The following SH3KBP1 variants were observed in gnomAD, a reference collection of about 807,000 sequenced individuals.
SH3KBP1 encodes SH3 domain containing kinase binding protein 1.
SH3KBP1 carries 8 observed loss-of-function variants against 50.1 expected under a neutral mutation model. That is an observed-to-expected ratio of 0.16 (90% CI 0.09 to 0.29). The LOEUF is 0.29. Ranked by LOEUF, SH3KBP1 falls within the 10% of genes least tolerant of loss-of-function variation. SH3KBP1 has a pLI of 1.00. For missense variants in SH3KBP1, 377 were observed against 535.2 expected (o/e 0.70, Z 2.92); for synonymous variants, 227 against 218.6 (o/e 1.04, Z -0.34).
At chrX:19,831,592 G>A (rs933668833) in intron 2 of SH3KBP1, among the ~76,000 whole-genome samples, 13 of 106,995 alleles carry the variant, frequency 1.2e-4, no homozygotes, top group Admixed American at 9.1e-4. Context: ...GGGAGTTCGA[G>A]ACCAGCCTGA....
chrX:19,602,978 G>GT (rs1489851514), intron 9 of SH3KBP1, among the ~76,000 whole-genome samples: 1 of 111,877 alleles, frequency 8.9e-6, no homozygotes, highest in Non-Finnish European at 1.9e-5. Context: ...AAAAAAAATC[G>GT]TAAGAGGGTG....
intron 9 of SH3KBP1, among the ~76,000 whole-genome samples, chrX:19,595,236 T>C (rs937570548): frequency 1.8e-5 from 2 of 112,318 alleles, no homozygotes; most frequent in African/African-American, 6.5e-5. Flanking sequence ...CATTTCCCCC[T>C]TTCTAAATTT....
intron 3 of SH3KBP1, among the ~76,000 whole-genome samples, chrX:19,733,318 A>G (rs2064434057): frequency 9.1e-6 from 1 of 110,421 alleles, no homozygotes; most frequent in Non-Finnish European, 1.9e-5. Flanking sequence ...GCCATACAAT[A>G]TATTAAAATA....
chrX:19,818,774 T>C (rs1292832612), intron 2 of SH3KBP1, among the ~76,000 whole-genome samples: 1 of 112,077 alleles, frequency 8.9e-6, no homozygotes, highest in African/African-American at 3.2e-5. Context: ...TAAACCCCAC[T>C]TGGTCATAGT....
intron 3 of SH3KBP1, among the ~76,000 whole-genome samples, chrX:19,721,066 G>A (rs2148722750): frequency 9.0e-6 from 1 of 111,171 alleles, no homozygotes; most frequent in African/African-American, 3.3e-5. Flanking sequence ...TTTAAATTTT[G>A]ACTCATTTTT....
intron 1 of SH3KBP1, among the ~76,000 whole-genome samples, chrX:19,870,691 ATC>A (rs2069018803): frequency 3.6e-5 from 4 of 111,831 alleles, no homozygotes; most frequent in Admixed American, 1.9e-4. Flanking sequence ...TAGACATGAC[ATC>A]AACTATCATA....
chrX:19,670,444 CT>C (rs2062758912), intron 6 of SH3KBP1: 1 of 602,353 alleles, frequency 1.7e-6, no homozygotes. Flanking sequence ...GATTTGTTTA[CT>C]GCACAAACAT....
intron 2 of SH3KBP1, 105 bp downstream of exon 2, chrX:19,836,020 C>T (rs1312519144): frequency 1.4e-6 from 1 of 733,822 alleles, no homozygotes; most frequent in Non-Finnish European, 2.1e-6. Flanking sequence ...GGAGGGCAAG[C>T]CATTCCCTAA....
At chrX:19,691,991 CTAT>C (rs2063302412) in intron 5 of SH3KBP1, among the ~76,000 whole-genome samples, 1 of 111,554 alleles carries the variant, frequency 9.0e-6, no homozygotes, top group Admixed American at 9.5e-5. Context: ...GTTCATTATA[CTAT>C]TATTATTTTT....
chrX:19,543,964 C>T (rs1014343947), intron 15 of SH3KBP1, among the ~76,000 whole-genome samples: 2 of 110,756 alleles, frequency 1.8e-5, no homozygotes, highest in African/African-American at 6.6e-5. Context: ...AGCAGCAGGG[C>T]AGAAGTAGAG....
chrX:19,554,038 AATATATATTAAAATATATT>A (rs1569278082), intron 13 of SH3KBP1, among the ~76,000 whole-genome samples: 3 of 62,028 alleles, frequency 4.8e-5, no homozygotes, highest in African/African-American at 2.8e-4. Flanking sequence ...TATAATATAT[AATATATATTAAAATATATT>A]ATATATATTA....
intron 13 of SH3KBP1, among the ~76,000 whole-genome samples, chrX:19,554,574 G>A (rs1285514573): frequency 9.3e-6 from 1 of 108,025 alleles, no homozygotes; most frequent in African/African-American, 3.4e-5. Flanking sequence ...GCTAATTTTT[G>A]TATTTTTAGT....
chrX:19,715,947 C>A (rs1447636593), intron 3 of SH3KBP1, among the ~76,000 whole-genome samples: 1 of 111,474 alleles, frequency 9.0e-6, no homozygotes, highest in Non-Finnish European at 1.9e-5. Context: ...GGGAAGGCAG[C>A]AACTCCCCAG....
At chrX:19,699,129 A>T (rs749571766) in intron 4 of SH3KBP1, among the ~76,000 whole-genome samples, 3 of 111,975 alleles carry the variant, frequency 2.7e-5, no homozygotes, top group Admixed American at 9.4e-5. Flanking sequence ...GCACTGCCCC[A>T]GTACCTGGGG....
rs112719601 is a variant in SH3KBP1, at chrX:19,612,181, G to T, written c.898-4136C>A. ...GTCCTCTTCAACAAACCAGACAAAA[G>T]AACTAGTCTTTTGATGGCAGAGATG... On this transcript the variant is annotated intron_variant, in intron 8 of 17. Transcript: ENST00000397821. 2.8e-3 allele frequency among the ~76,000 whole-genome samples: 311 copies of T among 111,463 alleles called. 3 individuals are homozygous for T. Among genetic ancestry groups the T allele is most frequent in the African/African-American group, 9.3e-3 (286 of 30,704 alleles).
intron 6 of SH3KBP1, among the ~76,000 whole-genome samples, chrX:19,648,601 T>C (rs1294786677): frequency 4.5e-5 from 5 of 111,592 alleles, no homozygotes; most frequent in Non-Finnish European, 9.4e-5. Flanking sequence ...TGAGCCTTCA[T>C]AGAGGCCCAA....
chrX:19,823,339 G>A (rs2067581313), intron 2 of SH3KBP1, among the ~76,000 whole-genome samples: 1 of 112,242 alleles, frequency 8.9e-6, no homozygotes, highest in Non-Finnish European at 1.9e-5. Context: ...ATGTGAATAG[G>A]CTAGACTTTT....
At chrX:19,791,435 A>C (rs1351329781) in intron 2 of SH3KBP1, among the ~76,000 whole-genome samples, 4 of 110,344 alleles carry the variant, frequency 3.6e-5, no homozygotes, top group Non-Finnish European at 7.6e-5. Flanking sequence ...AAGTAGAAAA[A>C]AGCTACTTGG....
At chrX:19,690,145 G>A (rs1351865502) in intron 5 of SH3KBP1, among the ~76,000 whole-genome samples, 5 of 104,791 alleles carry the variant, frequency 4.8e-5, no homozygotes, top group African/African-American at 1.8e-4. Context: ...CTGCAGCCTC[G>A]ACCTCCTGGG....
Sources: allele counts gnomAD v4.1 joint callset (sites outside exome capture counted in the v4.1 genomes callset), GRCh38; gene constraint gnomAD v4.1.1; transcripts MANE v1.5; gene names NCBI Gene and HGNC (gene_info 2026-07-23, HGNC 2026-07-21).